LRRC27: variants seen among roughly 807,000 people sequenced by gnomAD.
LRRC27 encodes the protein leucine-rich repeat-containing protein 27.
LRRC27 carries 57 observed loss-of-function variants against 55.0 expected under a neutral mutation model. The ratio of observed to expected loss-of-function variants is 1.04; its 90% confidence interval spans 0.84 to 1.29. LRRC27 has a LOEUF of 1.29. LRRC27 is among the 50% of genes most tolerant of loss of function. The probability of loss-of-function intolerance (pLI) is 0.00; values close to 1 mark genes in which losing one functional copy is unlikely to be tolerated. For missense variants in LRRC27, 721 were observed against 651.5 expected (o/e 1.11, Z -1.16); for synonymous variants, 278 against 251.9 (o/e 1.10, Z -0.98).
chr10:132,349,037 G>A (rs563091535), intron 6 of LRRC27: 59 of 1,608,750 alleles, frequency 3.7e-5, no homozygotes, highest in South Asian at 2.7e-4. Flanking sequence ...GTGGTAGGGC[G>A]TGCGCCTACA....
At chr10:132,353,273 ATC>A (rs2068154856) in intron 7 of LRRC27, 12 of 1,240,894 alleles carry the variant, frequency 9.7e-6, no homozygotes, top group Non-Finnish European at 1.2e-5. Flanking sequence ...GGTTCCGACA[ATC>A]TCTCCTTCCC....
At chr10:132,351,900 C>G (rs1016589630) in intron 7 of LRRC27, 147 bp downstream of exon 7, 6 of 1,062,952 alleles carry the variant, frequency 5.6e-6, no homozygotes, top group Non-Finnish European at 7.9e-6. Flanking sequence ...TCTTCCTCAC[C>G]TGGAAGCCGA....
chr10:132,357,571 T>C (rs1294197591), intron 8 of LRRC27, among the ~76,000 whole-genome samples: 2 of 152,072 alleles, frequency 1.3e-5, no homozygotes, highest in South Asian at 2.1e-4. Flanking sequence ...TGTAGGACAG[T>C]GCACAAAAAC....
upstream of LRRC27, chr10:132,332,078 C>G: frequency 3.7e-6 from 1 of 268,856 alleles, no homozygotes; most frequent in Non-Finnish European, 7.0e-6. Flanking sequence ...CCCCCGCGCG[C>G]AGGCGCACCA....
At position 132,372,894 on chromosome 10, in the gene LRRC27, C is replaced by A. The variant is rs369637546; in HGVS notation, c.1417-2172C>A. On this transcript the variant is annotated intron_variant, in intron 10 of 10. Coordinates refer to ENST00000368614, the MANE Select transcript of LRRC27 (RefSeq NM_030626.3). The surrounding 1 kb of genome is among the most constrained non-coding windows in gnomAD (Gnocchi z 4.0). ...TGAGCAGCCAGCAGCCCACCACCGA[C>A]ACCCCGATCTCAGCCTCGTTCCAGG... 6.6e-6 allele frequency among the ~76,000 whole-genome samples: 1 copy of A among 152,286 alleles called. No individual in the cohort carries two copies. Among genetic ancestry groups the A allele is most frequent in the Non-Finnish European group, 1.5e-5 (1 of 68,028 alleles).
At chr10:132,332,116 A>C, upstream of LRRC27, 6 of 187,904 alleles carry the variant, frequency 3.2e-5, no homozygotes, top group East Asian at 1.4e-4. Flanking sequence ...CATCACAGAC[A>C]CACTCGCGCT....
intron 7 of LRRC27, among the ~76,000 whole-genome samples, chr10:132,354,804 CAA>C (rs953124218): frequency 6.6e-5 from 10 of 152,160 alleles, no homozygotes; most frequent in African/African-American, 1.9e-4. Context: ...ATGGGAGAAA[CAA>C]GAGGAGGCCG....
At chr10:132,335,950 C>A (rs1384038288) in intron 2 of LRRC27, among the ~76,000 whole-genome samples, 1 of 152,180 alleles carries the variant, frequency 6.6e-6, no homozygotes, top group Non-Finnish European at 1.5e-5. Context: ...GAATGGCCAA[C>A]AAGCAGGCAT....
chr10:132,333,460 C>A lies in LRRC27; in HGVS notation c.-48-17C>A. On this transcript the variant is annotated splice_polypyrimidine_tract_variant and intron_variant, in intron 1 of 10. Transcript: ENST00000368614. Reference sequence around the variant, plus strand: ...TATAATTAGTTGCTTCTACGTTTCCCTTTCCCGTGTCTCCAGGTGACTCCA... The same window carrying A: ...TATAATTAGTTGCTTCTACGTTTCCATTTCCCGTGTCTCCAGGTGACTCCA... The A allele has an allele frequency of 7.6e-7, 1 of 1,312,996 alleles. No homozygotes were observed. The highest frequency in any genetic ancestry group is 1.6e-5 in the South Asian group (1 of 63,890). 81.3% of individuals were successfully genotyped at this position (1,312,996 alleles called of 1,614,324 possible).
At chr10:132,336,720 T>C (rs2138611379) in intron 2 of LRRC27, 1 of 741,042 alleles carries the variant, frequency 1.3e-6, no homozygotes. Flanking sequence ...CCAATAGATT[T>C]TGAAACCTAG....
intron 2 of LRRC27, among the ~76,000 whole-genome samples, chr10:132,335,588 A>G (rs764794326): frequency 1.4e-4 from 19 of 138,876 alleles, no homozygotes; most frequent in South Asian, 4.4e-4. Context: ...GGGGGGTCAC[A>G]GTCTTCCTGG....
intron 5 of LRRC27, chr10:132,344,927 C>G (rs929169027): frequency 6.5e-5 from 19 of 290,120 alleles, no homozygotes; most frequent in African/African-American, 3.6e-4. Flanking sequence ...GTTATCACCT[C>G]CAAGCCACCC....
chr10:132,364,596 G>C (rs1259402057), intron 9 of LRRC27, among the ~76,000 whole-genome samples: 1 of 15,986 alleles, frequency 6.3e-5, no homozygotes, highest in African/African-American at 2.2e-4. Flanking sequence ...CCACACTCAG[G>C]CAGTCCGCGT....
At chr10:132,341,116 G>C (rs2067392756) in intron 3 of LRRC27, among the ~76,000 whole-genome samples, 1 of 147,632 alleles carries the variant, frequency 6.8e-6, no homozygotes, top group Non-Finnish European at 1.5e-5. Context: ...AGCAACATGG[G>C]AATACCCTGT....
rs760695749 is a variant in LRRC27 at position 132,348,934 on chromosome 10, C to G, written c.926+578C>G. 6.5e-7 allele frequency: 1 copy of G among 1,529,712 alleles called. No homozygotes were observed. The highest frequency in any genetic ancestry group is 1.4e-5 in the African/African-American group (1 of 72,996). 94.8% of individuals were successfully genotyped at this position (1,529,712 alleles called of 1,614,324 possible). A position where few individuals can be genotyped will look rare whatever the true frequency, so the allele number is the denominator to read the frequency against. ...GCCTTTGGTACAGTGAGTTTGGGGG[C>G]CGAGATTTTATTTTCCTTTCACACC... On this transcript the variant is annotated intron_variant, in intron 6 of 10. Transcript: ENST00000368614. The surrounding 1 kb of genome is among the most constrained non-coding windows in gnomAD (Gnocchi z 4.2).
intron 5 of LRRC27, among the ~76,000 whole-genome samples, chr10:132,346,033 A>G (rs1264609955): frequency 6.6e-6 from 1 of 152,192 alleles, no homozygotes; most frequent in Non-Finnish European, 1.5e-5. Context: ...GTGAATCGCT[A>G]TGGCGATGTG....
chr10:132,357,853 G>A (rs568139039), intron 8 of LRRC27, among the ~76,000 whole-genome samples: 187 of 152,350 alleles, frequency 1.2e-3, no homozygotes, highest in Middle Eastern at 3.4e-3. Flanking sequence ...CCCTGCCCAC[G>A]GGAGCGCGCA....
chr10:132,356,273 C>T (rs1399701639), intron 8 of LRRC27, among the ~76,000 whole-genome samples: 2 of 152,192 alleles, frequency 1.3e-5, no homozygotes, highest in Non-Finnish European at 2.9e-5. Flanking sequence ...CAGCTGAGGT[C>T]GAGGTGAGCG....
At position 132,342,287 on chromosome 10, in the gene LRRC27, T is replaced by C; in HGVS notation, c.400+16T>C. ...GTGGAGCTGGGTAAGTATAAAATAA[T>C]AAAAAGATGATTTTAAAATGCTATC... On this transcript the variant is annotated intron_variant, in intron 4 of 10. Coordinates refer to ENST00000368614, the MANE Select transcript of LRRC27 (RefSeq NM_030626.3). 6.9e-7 allele frequency: 1 copy of C among 1,451,738 alleles called. No individual in the cohort carries two copies. The highest frequency in any genetic ancestry group is 9.3e-7 in the Non-Finnish European group (1 of 1,076,238). The allele number at this position is 1,451,738 out of a possible 1,614,324, so 89.9% of individuals were successfully genotyped here.
Sources: gnomAD v4.1 joint callset for allele counts (sites outside exome capture counted in the v4.1 genomes callset) on GRCh38, gnomAD v4.1.1 for gene constraint, Gnocchi (gnomAD v3.1) non-coding constraint, MANE v1.5 for transcripts, NCBI Gene and HGNC (gene_info 2026-07-23, HGNC 2026-07-21) for gene names.